Variants in PEAK1 observed in about 807,000 individuals in gnomAD.
PEAK1 encodes pseudopodium enriched atypical kinase 1.
A neutral mutation model predicts 124.7 loss-of-function variants in PEAK1; 54 were observed. The observed-to-expected ratio is 0.43, with a 90% confidence interval of 0.35 to 0.54. PEAK1 has a LOEUF of 0.54. Among genes scored for constraint, PEAK1 ranks in the 20% least tolerant of loss-of-function variants. The pLI is 0.01. For missense variants in PEAK1, 2,046 were observed against 2,134.5 expected, an observed-to-expected ratio of 0.96 and a Z score of 0.82; for synonymous variants, 719 against 760.0, an observed-to-expected ratio of 0.95 and a Z score of 0.89.
chr15:77,103,612 A>G (rs545810512), downstream of PEAK1: 3 of 152,174 alleles, frequency 2.0e-5, no homozygotes, highest in East Asian at 5.8e-4. Flanking sequence ...ACAGGGTGGG[A>G]GTGGAGGGGG....
At chr15:77,168,578 C>G (rs1353809907) in intron 7 of PEAK1, among the ~76,000 whole-genome samples, 1 of 152,186 alleles carries the variant, frequency 6.6e-6, no homozygotes, top group African/African-American at 2.4e-5. Context: ...GGATCTGGCC[C>G]ATCGGCCATA....
chr15:77,165,137 A>T (rs999553922), intron 7 of PEAK1, among the ~76,000 whole-genome samples: 2 of 150,784 alleles, frequency 1.3e-5, no homozygotes, highest in Non-Finnish European at 2.9e-5. Context: ...CTGACCTCAG[A>T]TGATCCACCT....
chr15:77,239,982 A>G (rs1015487775), intron 6 of PEAK1: 81 of 318,252 alleles, frequency 2.5e-4, no homozygotes, highest in African/African-American at 1.8e-3. Flanking sequence ...GTTGCAGGAA[A>G]TAAGAATAAC....
intron 5 of PEAK1, among the ~76,000 whole-genome samples, chr15:77,276,775 G>A (rs955489033): frequency 6.6e-6 from 1 of 151,938 alleles, no homozygotes; most frequent in African/African-American, 2.4e-5. Context: ...GGTTCAAAAT[G>A]TATGTAAAGA....
At chr15:77,376,054 AAAAT>A (rs1204200669) in intron 1 of PEAK1, among the ~76,000 whole-genome samples, 1 of 150,666 alleles carries the variant, frequency 6.6e-6, no homozygotes, top group Admixed American at 6.6e-5. Context: ...TGTAATAATA[AAAAT>A]AAATGAGTTT....
At chr15:77,230,202 A>G (rs1258580756) in intron 6 of PEAK1, among the ~76,000 whole-genome samples, 1 of 92,474 alleles carries the variant, frequency 1.1e-5, no homozygotes, top group Non-Finnish European at 2.8e-5. Context: ...ATTTGAGATA[A>G]GTCTTTTTTT....
chr15:77,378,953 T>C (rs970644733), intron 1 of PEAK1, among the ~76,000 whole-genome samples: 1 of 152,164 alleles, frequency 6.6e-6, no homozygotes, highest in Admixed American at 6.6e-5. Flanking sequence ...ACCCCTATAT[T>C]TCCTTGGTCT....
At chr15:77,368,496 C>A (rs536324519) in intron 1 of PEAK1, among the ~76,000 whole-genome samples, 1 of 149,508 alleles carries the variant, frequency 6.7e-6, no homozygotes, top group Admixed American at 6.7e-5. Context: ...CCAGCCTGGG[C>A]GACAGAGCAA....
chr15:77,373,830 G>C (rs2068814021), intron 1 of PEAK1, among the ~76,000 whole-genome samples: 1 of 152,118 alleles, frequency 6.6e-6, no homozygotes, highest in Non-Finnish European at 1.5e-5. Flanking sequence ...AGACATACCA[G>C]GTCTATCAAT....
At chr15:77,107,352 G>A (rs542846010), downstream of PEAK1, 41 of 152,266 alleles carry the variant, frequency 2.7e-4, no homozygotes, top group African/African-American at 9.6e-4. Flanking sequence ...ACCAACATGG[G>A]TTCTGTTATG....
intron 8 of PEAK1, among the ~76,000 whole-genome samples, chr15:77,150,914 G>T (rs1283891271): frequency 1.3e-5 from 2 of 152,028 alleles, no homozygotes; most frequent in African/African-American, 2.4e-5. Context: ...ATCTATTGTT[G>T]TTGGACATTT....
intron 5 of PEAK1, among the ~76,000 whole-genome samples, chr15:77,264,609 A>T (rs1377975289): frequency 6.6e-6 from 1 of 152,218 alleles, no homozygotes; most frequent in African/African-American, 2.4e-5. Context: ...AAAAGAGGAT[A>T]CCAACAAATG....
chr15:77,173,578 C>T (rs1450666825), intron 7 of PEAK1, among the ~76,000 whole-genome samples: 4 of 152,168 alleles, frequency 2.6e-5, no homozygotes, highest in Non-Finnish European at 5.9e-5. Context: ...CTAACTGGAA[C>T]TTTGTACCCT....
At chr15:77,275,701 C>T (rs900768848) in intron 5 of PEAK1, among the ~76,000 whole-genome samples, 16 of 150,750 alleles carry the variant, frequency 1.1e-4, no homozygotes, top group Admixed American at 2.0e-4. Context: ...CAGTGAGACT[C>T]TGTCTCAAAA....
At chr15:77,165,058 G>A (rs1297153325) in intron 7 of PEAK1, among the ~76,000 whole-genome samples, 2 of 151,514 alleles carry the variant, frequency 1.3e-5, no homozygotes, top group African/African-American at 2.4e-5. Flanking sequence ...TGCCCACCAC[G>A]CCTGGCTAAA....
intron 6 of PEAK1, among the ~76,000 whole-genome samples, chr15:77,189,878 C>T (rs2057746697): frequency 6.6e-6 from 1 of 151,928 alleles, no homozygotes; most frequent in Non-Finnish European, 1.5e-5. Context: ...GGAGTCACAG[C>T]TGATTGAGAT....
At position 77,179,931 on chromosome 15, in the gene PEAK1, C is replaced by G; in HGVS notation, c.1996G>C (p.Glu666Gln). Reference protein sequence around the residue: ...KTTSVISHTYEEIETESKVPD... With the variant: ...KTTSVISHTYQEIETESKVPD... Reference sequence around the variant, plus strand: ...ACTTTGCTTTCTGTTTCTATTTCTTCATAAGTATGGCTTATTACACTTGTG... The same window carrying G: ...ACTTTGCTTTCTGTTTCTATTTCTTGATAAGTATGGCTTATTACACTTGTG... Residue 666 changes from glutamate to glutamine, a missense_variant, in exon 7 of 10, where the codon GAA becomes CAA. Coordinates refer to ENST00000682557, the MANE Select transcript of PEAK1 (RefSeq NM_001385026.1). 1 of 1,614,112 alleles carries G rather than the reference C, an allele frequency of 6.2e-7. No individual in the cohort carries two copies. The highest frequency in any genetic ancestry group is 8.5e-7 in the Non-Finnish European group (1 of 1,179,994).
intron 2 of PEAK1, among the ~76,000 whole-genome samples, chr15:77,358,698 A>C (rs2067685083): frequency 6.6e-6 from 1 of 152,234 alleles, no homozygotes; most frequent in Admixed American, 6.5e-5. Context: ...CATAGTGAAA[A>C]AGTACAAAGT....
chr15:77,371,781 G>A (rs559795162), intron 1 of PEAK1, among the ~76,000 whole-genome samples: 4 of 152,246 alleles, frequency 2.6e-5, no homozygotes, highest in South Asian at 4.1e-4. Flanking sequence ...GCAGCTACTC[G>A]GGAGGCTGAG....
Sources: gnomAD v4.1 joint callset for allele counts (sites outside exome capture counted in the v4.1 genomes callset) on GRCh38, gnomAD v4.1.1 for gene constraint, MANE v1.5 for transcripts, NCBI Gene and HGNC (gene_info 2026-07-23, HGNC 2026-07-21) for gene names.